The following ANGPT4 variants were observed in gnomAD, a reference collection of about 807,000 sequenced individuals.
ANGPT4 encodes the protein angiopoietin-4.
Under a neutral mutation model 53.0 loss-of-function variants are expected in ANGPT4, and 50 were observed. That is an observed-to-expected ratio of 0.94 (90% confidence interval 0.75 to 1.20). ANGPT4 has a LOEUF of 1.20. Ranked by LOEUF, ANGPT4 falls within the 50% of genes most tolerant of loss-of-function variation. ANGPT4 has a pLI of 0.00. For missense variants in ANGPT4, 648 were observed against 637.1 expected, an observed-to-expected ratio of 1.02 and a Z score of -0.18; for synonymous variants, 251 against 259.7, an observed-to-expected ratio of 0.97 and a Z score of 0.32.
chr20:909,761 T>C (rs1443072475), intron 1 of ANGPT4, among the ~76,000 whole-genome samples: 1 of 152,128 alleles, frequency 6.6e-6, no homozygotes, highest in Admixed American at 6.5e-5. Flanking sequence ...TCAGACTGAG[T>C]CAACTGGGAC....
chr20:888,186 A>G (rs1432204990), intron 3 of ANGPT4, 132 bp downstream of exon 3: 2 of 1,268,084 alleles, frequency 1.6e-6, no homozygotes, highest in South Asian at 1.5e-5. Context: ...TATCCCAGAC[A>G]CCAGCCCACG....
At chr20:909,114 G>A (rs745823105) in intron 1 of ANGPT4, among the ~76,000 whole-genome samples, 10 of 152,122 alleles carry the variant, frequency 6.6e-5, no homozygotes, top group Non-Finnish European at 1.0e-4. Context: ...TCTTAGCTGT[G>A]TAAACTCCCT....
intron 7 of ANGPT4, among the ~76,000 whole-genome samples, chr20:875,455 T>C (rs1157328029): frequency 1.3e-5 from 2 of 152,160 alleles, no homozygotes; most frequent in East Asian, 3.9e-4. Context: ...TTGGTGGGCA[T>C]GTCCAAGCCT....
In ANGPT4 at chr20:908,149, T is replaced by C. The variant is rs1225030023; in HGVS notation, c.309+7757A>G. ...GAAGCTGGCTCAGAGGTCCACAGTC[T>C]ATCAGAGAATGATCCTCAGTGAGGA... On this transcript the variant is annotated intron_variant, in intron 1 of 8. Coordinates refer to ENST00000381922, the MANE Select transcript of ANGPT4 (RefSeq NM_015985.4). The surrounding 1 kb of genome is among the most constrained non-coding windows in gnomAD (Gnocchi z 4.9). 1.3e-5 allele frequency among the ~76,000 whole-genome samples: 2 copies of C among 152,102 alleles called. No homozygotes were observed. The highest frequency in any genetic ancestry group is 4.8e-5 in the African/African-American group (2 of 41,416).
At chr20:915,356 A>G (rs1982886582) in intron 1 of ANGPT4, among the ~76,000 whole-genome samples, 1 of 151,990 alleles carries the variant, frequency 6.6e-6, no homozygotes, top group South Asian at 2.1e-4. Flanking sequence ...CTGCGGATGC[A>G]TTCCCTCCTC....
At chr20:905,690 T>G (rs750555446) in intron 1 of ANGPT4, among the ~76,000 whole-genome samples, 3 of 148,906 alleles carry the variant, frequency 2.0e-5, no homozygotes, top group South Asian at 2.1e-4. Flanking sequence ...CAAGACATAG[T>G]CTTGGTGCTC....
rs759989563 is a variant in ANGPT4 at position 872,718 on chromosome 20, G to A, written c.*242C>T. The A allele has an allele frequency of 9.6e-6, 5 of 522,704 alleles. No homozygotes were observed. The highest frequency in any genetic ancestry group is 2.3e-5 in the South Asian group (1 of 43,468). 32.4% of individuals were successfully genotyped at this position (522,704 alleles called of 1,614,324 possible). On this transcript the variant is annotated 3_prime_UTR_variant, in exon 9 of 9. Coordinates refer to ENST00000381922, the MANE Select transcript of ANGPT4 (RefSeq NM_015985.4). ...AGGCAGGGAGCCCCTGAAGGGGGAGGGAGAGAAGAGGGGCGAGGACTACAT... is the reference window on the plus strand; with the variant it reads ...AGGCAGGGAGCCCCTGAAGGGGGAGAGAGAGAAGAGGGGCGAGGACTACAT...
chr20:898,928 C>T (rs1182198034), intron 1 of ANGPT4, among the ~76,000 whole-genome samples: 6 of 152,222 alleles, frequency 3.9e-5, no homozygotes, highest in Admixed American at 6.5e-5. Flanking sequence ...CTGTCCCACT[C>T]GCCCACCAAC....
At chr20:888,798 T>A (rs890566548) in intron 2 of ANGPT4, among the ~76,000 whole-genome samples, 2 of 152,128 alleles carry the variant, frequency 1.3e-5, no homozygotes, top group African/African-American at 2.4e-5. Context: ...CCTGGACTGC[T>A]CCCTCATTGC....
rs1980940186 is a variant in ANGPT4 at position 871,561 on chromosome 20, G to A, written c.*1399C>T. ...CCCTGGTCTCCCAAACTCAGGCAGAGGCCTTATCTCCTCCCCTGCAGCTCC... is the reference window on the plus strand; with the variant it reads ...CCCTGGTCTCCCAAACTCAGGCAGAAGCCTTATCTCCTCCCCTGCAGCTCC... On this transcript the variant is annotated 3_prime_UTR_variant, in exon 9 of 9. Coordinates refer to ENST00000381922, the MANE Select transcript of ANGPT4 (RefSeq NM_015985.4). The A allele has an allele frequency of 6.6e-6, 1 of 152,506 alleles. No individual in the cohort carries two copies. Among genetic ancestry groups the A allele is most frequent in the Non-Finnish European group, 1.5e-5 (1 of 68,274 alleles). 9.4% of individuals were successfully genotyped at this position (152,506 alleles called of 1,614,324 possible).
intron 8 of ANGPT4, among the ~76,000 whole-genome samples, chr20:873,925 C>T (rs1981052446): frequency 6.6e-6 from 1 of 152,200 alleles, no homozygotes; most frequent in Non-Finnish European, 1.5e-5. Context: ...TGGTGTGGAG[C>T]TGCCCCTCTG....
intron 1 of ANGPT4, among the ~76,000 whole-genome samples, chr20:912,659 G>A (rs1267250758): frequency 6.6e-6 from 1 of 152,114 alleles, no homozygotes; most frequent in Non-Finnish European, 1.5e-5. Context: ...AGAAAGGGAA[G>A]GGGAGTGCAG....
intron 8 of ANGPT4, among the ~76,000 whole-genome samples, chr20:873,830 TCTTA>T (rs1318740595): frequency 1.3e-5 from 2 of 152,168 alleles, no homozygotes; most frequent in African/African-American, 2.4e-5. Flanking sequence ...TCTCTGTTCT[TCTTA>T]CTTTGTCTCT....
chr20:872,843 G>A lies in ANGPT4; in HGVS notation c.*117C>T. The A allele has an allele frequency of 7.4e-7, 1 of 1,356,152 alleles. No individual in the cohort carries two copies. The highest frequency in any genetic ancestry group is 1.0e-6 in the Non-Finnish European group (1 of 984,864). The allele number at this position is 1,356,152 out of a possible 1,614,324, so 84.0% of individuals were successfully genotyped here. ...TCTGGGTCAAGGAGGGCTGGCTCAG[G>A]AAGCCCAGGGTGTCAGGGAAGGCGG... On this transcript the variant is annotated 3_prime_UTR_variant, in exon 9 of 9. Transcript: ENST00000381922.
rs1429096667 is a variant in ANGPT4, at chr20:914,823, C to CA, written c.309+1082dup. ...AGCCTGCTTTGCACACCTCTGTAGT[C>CA]AGTGCTTCTCCGAGGGTACACAATA... On this transcript the variant is annotated intron_variant, in intron 1 of 8. Coordinates refer to ENST00000381922, the MANE Select transcript of ANGPT4 (RefSeq NM_015985.4). This position sits in a 1 kb window ranked among gnomAD's most constrained non-coding sequence, Gnocchi z 5.0. Among the ~76,000 whole-genome samples the CA allele has an allele frequency of 6.6e-6, 1 of 152,142 alleles. No homozygotes were observed. The highest frequency in any genetic ancestry group is 1.5e-5 in the Non-Finnish European group (1 of 68,018).
Position 911,388 on chromosome 20 carries a change from T to C in ANGPT4, c.309+4518A>G, listed in dbSNP as rs557523726. Among the ~76,000 whole-genome samples, 273 of 152,330 alleles carry C rather than the reference T, an allele frequency of 1.8e-3. No homozygotes were observed. Among genetic ancestry groups the C allele is most frequent in the African/African-American group, 6.1e-3 (252 of 41,584 alleles). ...AGGAGGAAGAGAAAGAGGCCTCGGC[T>C]GAGCAGCCAGCTGCAGGGTGGGCAT... On this transcript the variant is annotated intron_variant, in intron 1 of 8. Coordinates refer to ENST00000381922, the MANE Select transcript of ANGPT4 (RefSeq NM_015985.4). This position sits in a 1 kb window ranked among gnomAD's most constrained non-coding sequence, Gnocchi z 4.9.
Position 916,162 on chromosome 20 carries a change from G to A in ANGPT4, c.53C>T (p.Thr18Ile), listed in dbSNP as rs752749565. Residue 18 changes from threonine to isoleucine, a missense_variant, in exon 1 of 9, where the codon ACC becomes ATC. Thr to Ile is a moderately conservative substitution (Grantham distance 89, BLOSUM62 -1). Coordinates refer to ENST00000381922, the MANE Select transcript of ANGPT4 (RefSeq NM_015985.4). ...CCTTGTCTGTTGAGCCACAGACATGGTGGCAACCACAAGGAGGAGGCTGCC... is the reference window on the plus strand; with the variant it reads ...CCTTGTCTGTTGAGCCACAGACATGATGGCAACCACAAGGAGGAGGCTGCC... ...LQGSLLLVVA[T>I]MSVAQQTRQE... 5.0e-6 allele frequency: 8 copies of A among 1,614,152 alleles called. No individual in the cohort carries two copies. In the South Asian group the frequency reaches 8.8e-5, roughly 18 times the overall value.
chr20:878,769 C>A (rs1332836425), intron 6 of ANGPT4, among the ~76,000 whole-genome samples: 2 of 152,154 alleles, frequency 1.3e-5, no homozygotes, highest in Non-Finnish European at 2.9e-5. Context: ...GTACGTTAAA[C>A]CTCAACAAAA....
rs542048133 is a variant in ANGPT4 at position 908,264 on chromosome 20, G to A, written c.309+7642C>T. On this transcript the variant is annotated intron_variant, in intron 1 of 8. Transcript: ENST00000381922. The surrounding 1 kb of genome is among the most constrained non-coding windows in gnomAD (Gnocchi z 4.9). ...GACCAGGGACATCTGTCTGGCTCCT[G>A]GTGAGCACTCCAGTCTCATCTTGGC... Among the ~76,000 whole-genome samples the A allele has an allele frequency of 6.6e-6, 1 of 152,248 alleles. No individual in the cohort carries two copies. Among genetic ancestry groups the A allele is most frequent in the East Asian group, 1.9e-4 (1 of 5,180 alleles).
Sources: allele counts gnomAD v4.1 joint callset (sites outside exome capture counted in the v4.1 genomes callset), GRCh38; gene constraint gnomAD v4.1.1; non-coding constraint Gnocchi (gnomAD v3.1); transcripts MANE v1.5; gene names NCBI Gene and HGNC (gene_info 2026-07-23, HGNC 2026-07-21).